The following RIC8B variants were observed in gnomAD, a reference collection of about 807,000 sequenced individuals.
The protein encoded by RIC8B is chaperone Ric-8B.
In RIC8B, 16 loss-of-function variants were observed where a neutral mutation model predicts 57.5. The ratio of observed to expected loss-of-function variants is 0.28; its 90% CI spans 0.19 to 0.42. RIC8B has a LOEUF of 0.42. RIC8B is among the 10% of genes least tolerant of loss of function. The pLI, the probability that RIC8B is intolerant of heterozygous loss-of-function variation, is 1.00. For synonymous variants in RIC8B, 216 were observed against 250.8 expected (o/e 0.86, Z 1.31); for missense variants, 481 against 677.0 (o/e 0.71, Z 3.21).
intron 2 of RIC8B, among the ~76,000 whole-genome samples, chr12:106,807,840 C>T (rs1264874568): frequency 6.6e-6 from 1 of 152,186 alleles, no homozygotes; most frequent in Non-Finnish European, 1.5e-5. Context: ...AATCCCAGCA[C>T]TTTGGGAGGC....
chr12:106,815,380 A>G, intron 3 of RIC8B, 76 bp downstream of exon 3: 2 of 1,458,222 alleles, frequency 1.4e-6, no homozygotes, highest in Non-Finnish European at 1.8e-6. Flanking sequence ...CCTGCAAGAG[A>G]AGAATACAAG....
At chr12:106,827,459 A>G (rs933522190) in intron 4 of RIC8B, among the ~76,000 whole-genome samples, 1 of 152,262 alleles carries the variant, frequency 6.6e-6, no homozygotes, top group South Asian at 2.1e-4. Flanking sequence ...ACACAGCCAC[A>G]GTATAAAGTG....
At chr12:106,787,789 G>A (rs546810373) in intron 2 of RIC8B, among the ~76,000 whole-genome samples, 10 of 152,260 alleles carry the variant, frequency 6.6e-5, no homozygotes, top group South Asian at 6.2e-4. Context: ...CCCACAGTGC[G>A]TGGGAATTAC....
At chr12:106,793,130 G>A (rs1054500917) in intron 2 of RIC8B, among the ~76,000 whole-genome samples, 2 of 152,174 alleles carry the variant, frequency 1.3e-5, no homozygotes, top group African/African-American at 2.4e-5. Flanking sequence ...TGAGAATACC[G>A]GGGCCACAGT....
intron 7 of RIC8B, among the ~76,000 whole-genome samples, chr12:106,853,113 A>AT (rs1949548344): frequency 1.3e-5 from 2 of 152,070 alleles, no homozygotes; most frequent in Non-Finnish European, 2.9e-5. Context: ...ATGAACATGT[A>AT]TTTTTTTGTA....
intron 8 of RIC8B, among the ~76,000 whole-genome samples, chr12:106,861,032 T>C (rs1342538725): frequency 6.6e-6 from 1 of 152,086 alleles, no homozygotes; most frequent in Non-Finnish European, 1.5e-5. Flanking sequence ...ACTATAATTA[T>C]TCTCTTTTAT....
intron 3 of RIC8B, 41 bp downstream of exon 3, chr12:106,815,345 T>C (rs764539735): frequency 5.8e-6 from 9 of 1,550,662 alleles, no homozygotes; most frequent in African/African-American, 1.4e-5. Flanking sequence ...TGGAATTTAA[T>C]TGGTCTGGGA....
At chr12:106,869,691 G>A (rs1353241059) in intron 8 of RIC8B, among the ~76,000 whole-genome samples, 3 of 152,170 alleles carry the variant, frequency 2.0e-5, no homozygotes, top group Non-Finnish European at 2.9e-5. Flanking sequence ...TCTAATCCCA[G>A]CACTTCAGGA....
At position 106,865,311 on chromosome 12, in the gene RIC8B, C is replaced by T. The variant is rs1950096959; in HGVS notation, c.1451+4899C>T. On this transcript the variant is annotated intron_variant, in intron 8 of 9. Transcript: ENST00000392837. ...TGTCTTTGGGATTTTTAGTAATAGC[C>T]ATCCTAATGGGTGTGAAGTCAGAGC... is the stretch of plus-strand genomic sequence containing the variant. Among the ~76,000 whole-genome samples, 3 of 152,248 alleles carry T rather than the reference C, an allele frequency of 2.0e-5. No homozygotes were observed. In the South Asian group the frequency reaches 6.2e-4, roughly 32 times the overall value.
chr12:106,791,096 A>G (rs1409886021), intron 2 of RIC8B, among the ~76,000 whole-genome samples: 3 of 152,174 alleles, frequency 2.0e-5, no homozygotes, highest in Non-Finnish European at 4.4e-5. Flanking sequence ...TTTGTGTTCT[A>G]TATTATTTTA....
In RIC8B at chr12:106,825,708, CTT is replaced by C. The variant is rs745532715; in HGVS notation, c.742-13_742-12del. ...GCATTCAACCCCCAATGTTTCCTCT[CTT>C]TTTTATTTGCCATAGAGTGATTCTC... On this transcript the variant is annotated splice_polypyrimidine_tract_variant and intron_variant, in intron 3 of 9. Transcript: ENST00000392837. 10 of 1,601,382 alleles carry C rather than the reference CTT, an allele frequency of 6.2e-6. No individual in the cohort carries two copies. Among genetic ancestry groups the C allele is most frequent in the Admixed American group, 5.0e-5 (3 of 59,936 alleles).
intron 2 of RIC8B, among the ~76,000 whole-genome samples, chr12:106,804,185 A>G (rs1478770098): frequency 4.6e-5 from 7 of 151,420 alleles, no homozygotes; most frequent in South Asian, 2.1e-4. Context: ...CAACAACCCT[A>G]TGAAGTAGGT....
At chr12:106,863,050 T>C (rs1445483333) in intron 8 of RIC8B, among the ~76,000 whole-genome samples, 1 of 152,152 alleles carries the variant, frequency 6.6e-6, no homozygotes, top group Admixed American at 6.6e-5. Context: ...CCTTTATACC[T>C]GTTTCTTTAA....
chr12:106,840,576 T>C (rs142183712), intron 4 of RIC8B, among the ~76,000 whole-genome samples: 1 of 152,208 alleles, frequency 6.6e-6, no homozygotes, highest in African/African-American at 2.4e-5. Context: ...CCTTCCTTAC[T>C]TAAAAAGAAT....
chr12:106,842,866 A>G (rs1484546109), intron 5 of RIC8B, 49 bp downstream of exon 5: 1 of 1,175,470 alleles, frequency 8.5e-7, no homozygotes. Context: ...CAAAGAATGT[A>G]AATGTGCCAT....
chr12:106,834,913 G>T (rs2046520443), intron 4 of RIC8B, among the ~76,000 whole-genome samples: 2 of 147,704 alleles, frequency 1.4e-5, no homozygotes, highest in South Asian at 2.2e-4. Context: ...GAACCTGGGA[G>T]GCAGAGCTTG....
intron 4 of RIC8B, among the ~76,000 whole-genome samples, chr12:106,832,691 G>A (rs953998118): frequency 6.6e-6 from 1 of 152,134 alleles, no homozygotes; most frequent in Non-Finnish European, 1.5e-5. Flanking sequence ...TTGGATGAAG[G>A]GATGGATAGA....
chr12:106,801,368 A>G (rs1046703299), intron 2 of RIC8B, among the ~76,000 whole-genome samples: 1 of 152,226 alleles, frequency 6.6e-6, no homozygotes, highest in Non-Finnish European at 1.5e-5. Context: ...TAATTAGCAA[A>G]AAAGTTTGAG....
intron 2 of RIC8B, among the ~76,000 whole-genome samples, chr12:106,807,038 G>A (rs907195178): frequency 4.6e-5 from 7 of 152,052 alleles, no homozygotes; most frequent in Non-Finnish European, 8.8e-5. Flanking sequence ...GTTGGCTTAA[G>A]CCAGAAACTT....
Sources: gnomAD v4.1 joint callset for allele counts (sites outside exome capture counted in the v4.1 genomes callset) on GRCh38, gnomAD v4.1.1 for gene constraint, MANE v1.5 for transcripts, NCBI Gene and HGNC (gene_info 2026-07-23, HGNC 2026-07-21) for gene names.